The following TENM4 variants were observed in gnomAD, a reference collection of about 807,000 sequenced individuals.
The protein encoded by TENM4 is teneurin-4.
TENM4 carries 82 observed loss-of-function variants against 243.3 expected under a neutral mutation model. The ratio of observed to expected loss-of-function variants is 0.34; its 90% CI spans 0.28 to 0.40. TENM4 has a LOEUF of 0.40. Ranked by LOEUF, TENM4 falls within the 10% of genes least tolerant of loss-of-function variation. The pLI is 1.00. For missense variants in TENM4, 3,138 were observed against 3,673.3 expected (o/e 0.85, Z 3.77); for synonymous variants, 1,412 against 1,456.3 (o/e 0.97, Z 0.69).
chr11:79,027,906 C>T (rs1042231986), intron 6 of TENM4, among the ~76,000 whole-genome samples: 1 of 152,170 alleles, frequency 6.6e-6, no homozygotes, highest in East Asian at 1.9e-4. Context: ...AATGTAGGTA[C>T]TATGAAGCCC....
Position 78,756,946 on chromosome 11 carries a change from G to A in TENM4, c.2615C>T (p.Ser872Phe), listed in dbSNP as rs1353758778. 6.2e-7 allele frequency: 1 copy of A among 1,613,976 alleles called. No homozygotes were observed. The highest frequency in any genetic ancestry group is 8.5e-7 in the Non-Finnish European group (1 of 1,179,894). The change falls in exon 19 of 34, where the codon TCC becomes TTC. Residue 872 changes from serine to phenylalanine, a missense_variant. By Grantham distance (155) the Ser-to-Phe change is radical. Around this residue, in one of 2 missense-constraint regions of TENM4, gnomAD observed 2,467 missense variants for 3,059.1 expected, o/e 0.81. Coordinates refer to ENST00000278550, the MANE Select transcript of TENM4 (RefSeq NM_001098816.3). ...CTGGATGATGTCCAGAGGGTTAGGGGAGCCAAGGCACAGCGGGTTGATATG... is the reference window on the plus strand; with the variant it reads ...CTGGATGATGTCCAGAGGGTTAGGGAAGCCAAGGCACAGCGGGTTGATATG... ...LCHINPLCLG[S>F]PNPLDIIQET... is the part of the protein sequence containing the mutation.
At chr11:78,993,555 T>C (rs1342958489) in intron 6 of TENM4, among the ~76,000 whole-genome samples, 2 of 152,184 alleles carry the variant, frequency 1.3e-5, no homozygotes, top group African/African-American at 2.4e-5. Context: ...TTTTTCAGCC[T>C]TTATTCTTCT....
chr11:78,787,551 G>A (rs904554857), intron 15 of TENM4, among the ~76,000 whole-genome samples: 5 of 152,320 alleles, frequency 3.3e-5, no homozygotes, highest in African/African-American at 9.6e-5. Flanking sequence ...GTCTGGCTGG[G>A]CACGTGATGA....
intron 6 of TENM4, among the ~76,000 whole-genome samples, chr11:79,061,965 A>ATTT (rs10647135): frequency 0.012 from 1,670 of 143,268 alleles, 31 homozygotes; most frequent in African/African-American, 0.021. Context: ...GGTGGCAACT[A>ATTT]TTTTTTTTTT....
chr11:79,228,690 C>T (rs1024800447), intron 2 of TENM4, among the ~76,000 whole-genome samples: 1 of 151,968 alleles, frequency 6.6e-6, no homozygotes, highest in Non-Finnish European at 1.5e-5. Context: ...TGTTCCCCCA[C>T]TTCATTTTTT....
intron 4 of TENM4, among the ~76,000 whole-genome samples, chr11:79,101,377 T>A (rs1318740437): frequency 6.6e-6 from 1 of 152,210 alleles, no homozygotes; most frequent in Admixed American, 6.5e-5. Context: ...TAGGTGGAAG[T>A]CTGAGTTATT....
chr11:79,121,155 C>A (rs1166060479), intron 4 of TENM4, among the ~76,000 whole-genome samples: 1 of 152,078 alleles, frequency 6.6e-6, no homozygotes, highest in Non-Finnish European at 1.5e-5. Flanking sequence ...GGAGCTAGGG[C>A]TTTCCTGTCT....
chr11:79,407,078 C>A (rs1034549029), intron 1 of TENM4, among the ~76,000 whole-genome samples: 4 of 152,124 alleles, frequency 2.6e-5, no homozygotes, highest in African/African-American at 9.7e-5. Flanking sequence ...TAGAAGTGGC[C>A]TGTGTGGACT....
chr11:78,807,496 G>C (rs1188390164), intron 14 of TENM4, among the ~76,000 whole-genome samples: 1 of 152,182 alleles, frequency 6.6e-6, no homozygotes, highest in Non-Finnish European at 1.5e-5. Context: ...AAGGAGAAGA[G>C]TACTGAGAAT....
At position 79,139,590 on chromosome 11, in the gene TENM4, T is replaced by TATA. The variant is rs1272519735; in HGVS notation, c.-66+9119_-66+9120insTAT. On this transcript the variant is annotated intron_variant, in intron 4 of 33. Coordinates refer to ENST00000278550, the MANE Select transcript of TENM4 (RefSeq NM_001098816.3). ...ATATATAAAATATATATTATATTTC[T>TATA]AGAAATATATAAAATATATATTATA... 7.9e-5 allele frequency among the ~76,000 whole-genome samples: 8 copies of TATA among 100,808 alleles called. 2 individuals carry two copies. In the East Asian group the frequency reaches 1.6e-3, roughly 20 times the overall value. 66.1% of individuals were successfully genotyped at this position (100,808 alleles called of 152,430 possible). A position where few individuals can be genotyped will look rare whatever the true frequency, so the allele number is the denominator to read the frequency against.
At chr11:79,114,964 C>G (rs2137115742) in intron 4 of TENM4, among the ~76,000 whole-genome samples, 1 of 152,264 alleles carries the variant, frequency 6.6e-6, no homozygotes, top group East Asian at 1.9e-4. Context: ...CTTCTAGGCT[C>G]TAGGAATATA....
intron 1 of TENM4, among the ~76,000 whole-genome samples, chr11:79,335,609 G>A (rs1480886903): frequency 6.6e-6 from 1 of 152,196 alleles, no homozygotes. Context: ...TACCTCTGAT[G>A]TATGGGAGTG....
intron 6 of TENM4, among the ~76,000 whole-genome samples, chr11:79,023,561 C>CAAAA (rs3985612): frequency 0.015 from 1,703 of 113,346 alleles, 20 homozygotes; most frequent in South Asian, 0.021. Context: ...GGCTCTGTCT[C>CAAAA]AAAAAAAAAA....
chr11:79,279,965 C>T (rs181011257), intron 2 of TENM4, among the ~76,000 whole-genome samples: 1 of 152,194 alleles, frequency 6.6e-6, no homozygotes, highest in Admixed American at 6.5e-5. Context: ...AGCTCGGCCC[C>T]CTTTTGTTGC....
intron 25 of TENM4, among the ~76,000 whole-genome samples, chr11:78,714,661 G>A (rs1431328536): frequency 6.6e-6 from 1 of 152,074 alleles, no homozygotes; most frequent in African/African-American, 2.4e-5. Context: ...GCTTTCTGCT[G>A]TGCTGCTCCA....
At chr11:79,143,408 G>A (rs980569275) in intron 4 of TENM4, among the ~76,000 whole-genome samples, 1 of 151,946 alleles carries the variant, frequency 6.6e-6, no homozygotes, top group Admixed American at 6.6e-5. Flanking sequence ...CCATCATTCT[G>A]AGCAAACTAT....
At chr11:79,015,096 T>C (rs1858738386) in intron 6 of TENM4, among the ~76,000 whole-genome samples, 1 of 152,236 alleles carries the variant, frequency 6.6e-6, no homozygotes, top group Admixed American at 6.5e-5. Context: ...AAAAAGTCTC[T>C]GTAAGAAGTG....
At chr11:79,124,893 A>ATG (rs71050209) in intron 4 of TENM4, among the ~76,000 whole-genome samples, 23,623 of 111,332 alleles carry the variant, frequency 0.21, 2,084 homozygotes, top group East Asian at 0.36. Flanking sequence ...GTATATGTAT[A>ATG]TGTGTGTGTG....
chr11:79,191,156 AC>A (rs1454359960), intron 3 of TENM4, among the ~76,000 whole-genome samples: 3 of 59,298 alleles, frequency 5.1e-5, no homozygotes, highest in Non-Finnish European at 9.4e-5. Context: ...TCTCCTTTCC[AC>A]GGTCTCCCTC....
Sources: allele counts gnomAD v4.1 joint callset (sites outside exome capture counted in the v4.1 genomes callset), GRCh38; gene constraint gnomAD v4.1.1; regional missense constraint gnomAD v4.1.1; transcripts MANE v1.5; gene names NCBI Gene and HGNC (gene_info 2026-07-23, HGNC 2026-07-21).